Variants in EME2 observed in about 807,000 individuals in gnomAD.
The protein encoded by EME2 is structure-specific endonuclease subunit EME2.
Under a neutral mutation model 41.9 loss-of-function variants are expected in EME2, and 58 were observed. The observed-to-expected ratio is 1.38, with a 90% confidence interval of 1.12 to 1.72. The LOEUF (loss-of-function observed/expected upper bound fraction) is 1.72, where lower values mean the gene tolerates loss of function less well. Ranked by LOEUF, EME2 falls within the 40% of genes most tolerant of loss-of-function variation. EME2 has a pLI of 0.00. For missense variants in EME2, 695 were observed against 541.9 expected, an observed-to-expected ratio of 1.28 and a Z score of -2.81; for synonymous variants, 334 against 239.3, an observed-to-expected ratio of 1.40 and a Z score of -3.65.
intron 4 of EME2, 71 bp downstream of exon 4, chr16:1,775,203 G>A (rs1181921115): frequency 2.5e-6 from 4 of 1,590,214 alleles, no homozygotes; most frequent in Non-Finnish European, 3.4e-6. Flanking sequence ...GCACACTTCT[G>A]GGGTTGCTGT....
At chr16:1,774,404 A>C (rs756786808) in intron 3 of EME2, 52 bp downstream of exon 3, 1 of 1,504,676 alleles carries the variant, frequency 6.6e-7, no homozygotes, top group Non-Finnish European at 9.2e-7. Flanking sequence ...GTGGGTTCCC[A>C]GCCGGGAGGC....
rs761321330 is a variant in EME2 at position 1,777,426 on chromosome 16, G to A, written c.*1188G>A. ...ATCGGGTAGAATCTCTTGTTCTGCAGCTTGGTGGCTGCCACACCTGGAAGG... is the reference window on the plus strand; with the variant it reads ...ATCGGGTAGAATCTCTTGTTCTGCAACTTGGTGGCTGCCACACCTGGAAGG... On this transcript the variant is annotated 3_prime_UTR_variant, in exon 8 of 8. Transcript: ENST00000568449. The A allele has an allele frequency of 3.4e-5, 52 of 1,531,550 alleles. No homozygotes were observed. Among genetic ancestry groups the A allele is most frequent in the East Asian group, 4.7e-5 (2 of 42,360 alleles). The allele number at this position is 1,531,550 out of a possible 1,614,324, so 94.9% of individuals were successfully genotyped here.
At chr16:1,774,990 C>T (rs1223042497) in intron 3 of EME2, 51 bp from the exon 4 acceptor site, 16 of 1,467,840 alleles carry the variant, frequency 1.1e-5, no homozygotes, top group Non-Finnish European at 1.4e-5. Context: ...GGCCCATGGC[C>T]ATAGGCCGCA....
At position 1,775,615 on chromosome 16, in the gene EME2, T is replaced by G. The variant is rs752965317; in HGVS notation, c.710T>G (p.Val237Gly). The G allele has an allele frequency of 3.1e-6, 5 of 1,612,926 alleles. No homozygotes were observed. The South Asian group carries it at 5.5e-5, about 18-fold the overall frequency. ...TGGGCAAACCTGGACGTGCTACTGG[T>G]GGCCTCTTGGCAGGAGCTGAGTCGG... ...QLWANLDVLL[V>G]ASWQELSRHV... Residue 237 changes from valine to glycine, a missense_variant, in exon 6 of 8, where the codon GTG becomes GGG. By Grantham distance (109) the Val-to-Gly change is moderately radical. Coordinates refer to ENST00000568449, the MANE Select transcript of EME2 (RefSeq NM_001257370.2).
Position 1,778,481 on chromosome 16 carries a change from G to A in EME2, c.*2243G>A, listed in dbSNP as rs781365988. ...GGCAGTCCCTGCCCCGGTGGGCCGA[G>A]TGCAGGCTGCTACAGAAGGAGGCCT... On this transcript the variant is annotated 3_prime_UTR_variant, in exon 8 of 8. Coordinates refer to ENST00000568449, the MANE Select transcript of EME2 (RefSeq NM_001257370.2). 11 of 1,611,734 alleles carry A rather than the reference G, an allele frequency of 6.8e-6. No individual in the cohort carries two copies. The highest frequency in any genetic ancestry group is 1.7e-4 in the Middle Eastern group (1 of 5,934).
chr16:1,777,651 C>G lies in EME2; in HGVS notation c.*1413C>G. The G allele has an allele frequency of 1.3e-6, 2 of 1,553,910 alleles. No individual in the cohort carries two copies. The highest frequency in any genetic ancestry group is 1.7e-6 in the Non-Finnish European group (2 of 1,149,954). On this transcript the variant is annotated 3_prime_UTR_variant, in exon 8 of 8. Transcript: ENST00000568449. ...GGGCCTCAGGCTTCTGGGAGGAACC[C>G]TTTCAGAAAACCTCAGTGTCCCCTG...
Position 1,775,666 on chromosome 16 carries a change from T to A in EME2, c.761T>A (p.Leu254His). ...SRHVCAVTKA[L>H]AQYPLKQYRE... ...CACGTGTGCGCCGTTACCAAGGCTC[T>A]CGCCCAGTATCCCCTCAAGTGCGTG... The change falls in exon 6 of 8, where the codon CTC becomes CAC. Residue 254 changes from leucine to histidine, a missense_variant. Physicochemically the swap from Leu to His is moderately conservative, Grantham distance 99. Coordinates refer to ENST00000568449, the MANE Select transcript of EME2 (RefSeq NM_001257370.2). 6.2e-7 allele frequency: 1 copy of A among 1,612,900 alleles called. No homozygotes were observed. The highest frequency in any genetic ancestry group is 8.5e-7 in the Non-Finnish European group (1 of 1,180,030).
Position 1,776,769 on chromosome 16 carries a change from G to A in EME2, c.*531G>A. The A allele has an allele frequency of 2.3e-6, 1 of 438,796 alleles. No individual in the cohort carries two copies. The allele number at this position is 438,796 out of a possible 1,614,324, so 27.2% of individuals were successfully genotyped here. A position where few individuals can be genotyped will look rare whatever the true frequency, so the allele number is the denominator to read the frequency against. ...AGTCCTTTAAGTCTATGACGGCGGGGCAGCCGCTGACAGCATGCAGAGCAA... is the reference window on the plus strand; with the variant it reads ...AGTCCTTTAAGTCTATGACGGCGGGACAGCCGCTGACAGCATGCAGAGCAA... On this transcript the variant is annotated 3_prime_UTR_variant, in exon 8 of 8. Transcript: ENST00000568449.
rs917896111 is a variant in EME2 at position 1,779,276 on chromosome 16, G to C, written c.*3038G>C. Reference sequence around the variant, plus strand: ...ACGTGAGCTCCTTGTGGGAGGCAGTGCCCCTCCCAGCCTCCTCCCTGTCAC... The same window carrying C: ...ACGTGAGCTCCTTGTGGGAGGCAGTCCCCCTCCCAGCCTCCTCCCTGTCAC... On this transcript the variant is annotated 3_prime_UTR_variant, in exon 8 of 8. Coordinates refer to ENST00000568449, the MANE Select transcript of EME2 (RefSeq NM_001257370.2). The C allele has an allele frequency of 2.6e-5, 4 of 152,396 alleles. No individual in the cohort carries two copies. The highest frequency in any genetic ancestry group is 9.6e-5 in the African/African-American group (4 of 41,464). 9.4% of individuals were successfully genotyped at this position (152,396 alleles called of 1,614,324 possible). A position where few individuals can be genotyped will look rare whatever the true frequency, so the allele number is the denominator to read the frequency against.
rs1486482905 is a variant in EME2 at position 1,777,055 on chromosome 16, G to A, written c.*817G>A. 17 of 1,586,552 alleles carry A rather than the reference G, an allele frequency of 1.1e-5. No individual in the cohort carries two copies. Among genetic ancestry groups the A allele is most frequent in the African/African-American group, 1.3e-5 (1 of 74,442 alleles). Reference sequence around the variant, plus strand: ...CAGAGAAAGAAGGGACAGAGGAAAGGGGCTGTCCCAGCCCAAGAAGGCAGT... The same window carrying A: ...CAGAGAAAGAAGGGACAGAGGAAAGAGGCTGTCCCAGCCCAAGAAGGCAGT... On this transcript the variant is annotated 3_prime_UTR_variant, in exon 8 of 8. Coordinates refer to ENST00000568449, the MANE Select transcript of EME2 (RefSeq NM_001257370.2).
chr16:1,773,616 G>T (rs2042664845), intron 1 of EME2, 89 bp from the exon 2 acceptor site: 2 of 1,539,202 alleles, frequency 1.3e-6, no homozygotes, highest in East Asian at 4.9e-5. Context: ...TGTGCCGAAT[G>T]GAGACTCCCC....
intron 2 of EME2, 32 bp downstream of exon 2, chr16:1,773,873 G>C (rs774425457): frequency 6.6e-7 from 1 of 1,515,572 alleles, no homozygotes; most frequent in African/African-American, 1.4e-5. Flanking sequence ...AGGGCCAGCC[G>C]CGAGTTGGCT....
intron 3 of EME2, 175 bp from the exon 4 acceptor site, chr16:1,774,866 C>G: frequency 3.0e-6 from 2 of 670,816 alleles, no homozygotes; most frequent in Non-Finnish European, 5.3e-6. Context: ...CCTCTTTGGC[C>G]TCGTGGGAGG....
At chr16:1,773,504 G>A (rs766734899) in intron 1 of EME2, 30 bp downstream of exon 1, 5 of 1,572,746 alleles carry the variant, frequency 3.2e-6, no homozygotes, top group East Asian at 2.3e-5. Flanking sequence ...CGATACTCGG[G>A]GTAGGAAAGG....
Position 1,781,411 on chromosome 16 carries a change from G to T in EME2, c.*5173G>T, listed in dbSNP as rs1288869069. On this transcript the variant is annotated 3_prime_UTR_variant, in exon 8 of 8. Coordinates refer to ENST00000568449, the MANE Select transcript of EME2 (RefSeq NM_001257370.2). ...GTGGAGCCTGCTAGAGCCACGGCCC[G>T]GGCATCTGCGTCTCGGCGGGCTGCA... 1 of 1,612,706 alleles carries T rather than the reference G, an allele frequency of 6.2e-7. No homozygotes were observed. Among genetic ancestry groups the T allele is most frequent in the African/African-American group, 1.3e-5 (1 of 74,906 alleles).
In EME2 at chr16:1,780,730, T is replaced by C; in HGVS notation, c.*4492T>C. 6.1e-6 allele frequency: 1 copy of C among 163,064 alleles called. No homozygotes were observed. Among genetic ancestry groups the C allele is most frequent in the South Asian group, 1.4e-4 (1 of 6,932 alleles). 10.1% of individuals were successfully genotyped at this position (163,064 alleles called of 1,614,324 possible). On this transcript the variant is annotated 3_prime_UTR_variant, in exon 8 of 8. Transcript: ENST00000568449. ...AAATGGGCTGGGTAAACCAAAGAAT[T>C]TTTTTGTTTTTGTTTTTTTTGAGTC...
rs972898740 is a variant in EME2 at position 1,776,606 on chromosome 16, G to A, written c.*368G>A. ...TGGGGTGTGGCACCCTCAGCCAGAA[G>A]CAGTAGGGGACTCCCAAGGATGTGG... On this transcript the variant is annotated 3_prime_UTR_variant, in exon 8 of 8. Transcript: ENST00000568449. The A allele has an allele frequency of 2.2e-5, 7 of 312,056 alleles. No homozygotes were observed. The highest frequency in any genetic ancestry group is 1.3e-4 in the African/African-American group (6 of 46,088). The allele number at this position is 312,056 out of a possible 1,614,324, so 19.3% of individuals were successfully genotyped here. A position where few individuals can be genotyped will look rare whatever the true frequency, so the allele number is the denominator to read the frequency against.
chr16:1,775,853 G>T lies in EME2; in HGVS notation c.836G>T (p.Gly279Val), dbSNP rs1287384268. 1.2e-6 allele frequency: 2 copies of T among 1,612,488 alleles called. No homozygotes were observed. The highest frequency in any genetic ancestry group is 1.3e-5 in the African/African-American group (1 of 75,052). ...SFCTAGRWAAGEPVARDGAGL... is the reference protein window; with the variant it reads ...SFCTAGRWAAVEPVARDGAGL... The stretch of plus-strand genomic sequence containing the variant: ...TGCACAGCAGGGCGCTGGGCAGCCG[G>T]CGAGCCAGTGGCAAGAGACGGCGCA... Residue 279 changes from glycine (G) to valine (V), a missense_variant, in exon 7 of 8, where the codon GGC (glycine) becomes GTC (valine). Coordinates refer to ENST00000568449, the MANE Select transcript of EME2 (RefSeq NM_001257370.2).
chr16:1,775,113 G>A lies in EME2; in HGVS notation c.550G>A (p.Gly184Arg), dbSNP rs374046300. 1.1e-5 allele frequency: 17 copies of A among 1,611,940 alleles called. No individual in the cohort carries two copies. Among genetic ancestry groups the A allele is most frequent in the South Asian group, 3.3e-5 (3 of 91,086 alleles). The change falls in exon 4 of 8, where the codon GGG becomes AGG. Residue 184 changes from glycine to arginine, a missense_variant. Coordinates refer to ENST00000568449, the MANE Select transcript of EME2 (RefSeq NM_001257370.2). ...CGCCCGGCCCCACCTGGCTGTCATC[G>A]GGCTGGATGCCTACCTGTGGTACCG... ...TTARPHLAVI[G>R]LDAYLWSRQH...
Sources: allele counts gnomAD v4.1 joint callset, GRCh38; gene constraint gnomAD v4.1.1; transcripts MANE v1.5; gene names NCBI Gene and HGNC (gene_info 2026-07-23, HGNC 2026-07-21).